The following PFKFB2 variants were observed in gnomAD, a reference collection of about 807,000 sequenced individuals.
PFKFB2 encodes the protein 6-phosphofructo-2-kinase/fructose-2,6-biphosphatase 2, also known as 6-phosphofructo-2-kinase/fructose-2,6-bisphosphatase 2.
A neutral mutation model predicts 68.0 loss-of-function variants in PFKFB2; 53 were observed. The ratio of observed to expected loss-of-function variants is 0.78; its 90% confidence interval spans 0.63 to 0.98. The LOEUF (loss-of-function observed/expected upper bound fraction) is 0.98, where lower values mean the gene tolerates loss of function less well. PFKFB2 is among the 50% of genes least tolerant of loss of function. The pLI is 0.00. For synonymous variants in PFKFB2, 222 were observed against 227.6 expected (o/e 0.98, Z 0.22); for missense variants, 451 against 642.0 (o/e 0.70, Z 3.22).
At chr1:207,061,133 A>ATATATCTTTATATATATCTT (rs1683089372) in intron 2 of PFKFB2, among the ~76,000 whole-genome samples, 2 of 113,850 alleles carry the variant, frequency 1.8e-5, no homozygotes, top group African/African-American at 7.3e-5. Context: ...ATATATCTTT[A>ATATATCTTTATATATATCTT]TATATATCTT....
chr1:207,049,374 A>G (rs376903734), upstream of PFKFB2: 6 of 1,614,054 alleles, frequency 3.7e-6, no homozygotes, highest in African/African-American at 2.7e-5. Flanking sequence ...CACATTGGTA[A>G]AACTTGGACA....
chr1:207,071,044 G>A, intron 12 of PFKFB2, 144 bp from the exon 13 acceptor site: 1 of 671,086 alleles, frequency 1.5e-6, no homozygotes, highest in Non-Finnish European at 2.6e-6. Flanking sequence ...TGTGGTCTGG[G>A]GTTTAAGGGA....
At chr1:207,069,317 G>T in intron 10 of PFKFB2, 107 bp from the exon 11 acceptor site, 1 of 754,512 alleles carries the variant, frequency 1.3e-6, no homozygotes, top group Admixed American at 2.1e-5. Context: ...ACAGTGCCTG[G>T]CACGTACTAA....
chr1:207,077,970 G>T (rs1029424077), downstream of PFKFB2: 2 of 185,660 alleles, frequency 1.1e-5, no homozygotes, highest in Non-Finnish European at 2.0e-5. Context: ...GTGTAGCCGT[G>T]GCTCTCTTCT....
rs564529296 is a variant in PFKFB2, at chr1:207,069,596, G to T, written c.1092+68G>T. On this transcript the variant is annotated intron_variant, in intron 11 of 14. Coordinates refer to ENST00000367080, the MANE Select transcript of PFKFB2 (RefSeq NM_006212.2). The stretch of plus-strand genomic sequence containing the variant: ...CTGAGTGTTTAACTTTAATTTGGGG[G>T]AAGGATTGAATGTGATTTGGAGGGT... 21 of 1,033,418 alleles carry T rather than the reference G, an allele frequency of 2.0e-5. No individual in the cohort carries two copies. The South Asian group carries it at 2.8e-4, about 14-fold the overall frequency. The allele number at this position is 1,033,418 out of a possible 1,614,324, so 64.0% of individuals were successfully genotyped here. A position where few individuals can be genotyped will look rare whatever the true frequency, so the allele number is the denominator to read the frequency against.
chr1:207,069,639 TCCTTC>T (rs1683407898), intron 11 of PFKFB2, 111 bp downstream of exon 11: 6 of 686,124 alleles, frequency 8.7e-6, no homozygotes, highest in Non-Finnish European at 1.5e-5. Flanking sequence ...TCATTTATCT[TCCTTC>T]CCTTGGGTCA....
chr1:207,051,678 A>C (rs1016548199), upstream of PFKFB2, among the ~76,000 whole-genome samples: 2 of 152,240 alleles, frequency 1.3e-5, no homozygotes, highest in African/African-American at 4.8e-5. Flanking sequence ...GTTCCTGGGC[A>C]TACAAATATG....
chr1:207,044,356 C>A (rs1367041347), intron 2 of PFKFB2: 1 of 152,462 alleles, frequency 6.6e-6, no homozygotes, highest in Non-Finnish European at 1.5e-5. Context: ...CAGCTGGAGT[C>A]CTGAATGGCA....
chr1:207,069,242 G>A (rs945783527), intron 10 of PFKFB2, among the ~76,000 whole-genome samples, 182 bp from the exon 11 acceptor site: 5 of 152,090 alleles, frequency 3.3e-5, no homozygotes, highest in East Asian at 3.9e-4. Context: ...GTCCTCACCC[G>A]GTGAGTCACA....
intron 1 of PFKFB2, among the ~76,000 whole-genome samples, chr1:207,040,425 G>A (rs575676505): frequency 3.0e-4 from 45 of 152,328 alleles, no homozygotes; most frequent in Admixed American, 9.1e-4. Context: ...TTCGTGTATG[G>A]AAGGAATTCT....
chr1:207,049,721 C>A (rs1465232733), upstream of PFKFB2: 1 of 1,607,398 alleles, frequency 6.2e-7, no homozygotes, highest in Non-Finnish European at 8.5e-7. Context: ...ATCAGCATGT[C>A]ACCTGTTAAA....
In PFKFB2 at chr1:207,076,938, G is replaced by A; in HGVS notation, c.*4567G>A. The A allele has an allele frequency of 1.0e-6, 1 of 982,776 alleles. No individual in the cohort carries two copies. Among genetic ancestry groups the A allele is most frequent in the Non-Finnish European group, 1.2e-6 (1 of 827,574 alleles). 60.9% of individuals were successfully genotyped at this position (982,776 alleles called of 1,614,324 possible). Reference sequence around the variant, plus strand: ...CTATTAAATGTGTCTAACAAAGGAAGGAATTAAGCACTCCACGTGTTTTCT... The same window carrying A: ...CTATTAAATGTGTCTAACAAAGGAAAGAATTAAGCACTCCACGTGTTTTCT... On this transcript the variant is annotated 3_prime_UTR_variant, in exon 15 of 15. Coordinates refer to ENST00000367080, the MANE Select transcript of PFKFB2 (RefSeq NM_006212.2).
chr1:207,048,839 C>T (rs1338715863), upstream of PFKFB2: 4 of 619,374 alleles, frequency 6.5e-6, no homozygotes, highest in East Asian at 2.8e-5. Flanking sequence ...AGACACACAT[C>T]TGTAAACTTG....
chr1:207,038,814 T>C (rs143414381), intron 1 of PFKFB2, among the ~76,000 whole-genome samples: 123 of 152,378 alleles, frequency 8.1e-4, no homozygotes, highest in African/African-American at 2.7e-3. Flanking sequence ...ATAGCACTTG[T>C]ATTTTTATTT....
intron 8 of PFKFB2, 57 bp from the exon 9 acceptor site, chr1:207,067,442 A>T: frequency 3.3e-6 from 4 of 1,213,636 alleles, no homozygotes; most frequent in Non-Finnish European, 4.8e-6. Context: ...TTTCCCTCTG[A>T]TTCTTATTCT....
Position 207,074,311 on chromosome 1 carries a change from T to C in PFKFB2, c.*1940T>C, listed in dbSNP as rs1683560543. ...TTGAGCAGATCATAATGTTAAATGATATAACCCCCTGGAAGGCAGGCTGCT... is the reference window on the plus strand; with the variant it reads ...TTGAGCAGATCATAATGTTAAATGACATAACCCCCTGGAAGGCAGGCTGCT... On this transcript the variant is annotated 3_prime_UTR_variant, in exon 15 of 15. Transcript: ENST00000367080. 5.1e-6 allele frequency: 5 copies of C among 985,462 alleles called. No homozygotes were observed. Among genetic ancestry groups the C allele is most frequent in the Non-Finnish European group, 6.0e-6 (5 of 829,922 alleles). The allele number at this position is 985,462 out of a possible 1,614,324, so 61.0% of individuals were successfully genotyped here.
rs559206876 is a variant in PFKFB2 at position 207,077,622 on chromosome 1, A to G, written c.*5251A>G. ...TTGGGAAGCCTAGGAAGAGAGTTCT[A>G]CTGTAGATTTCCTAGGCACTGCTCT... On this transcript the variant is annotated 3_prime_UTR_variant, in exon 15 of 15. Transcript: ENST00000367080. 1.0e-5 allele frequency: 10 copies of G among 985,618 alleles called. No homozygotes were observed. The highest frequency in any genetic ancestry group is 1.1e-4 in the East Asian group (1 of 8,824). The allele number at this position is 985,618 out of a possible 1,614,324, so 61.1% of individuals were successfully genotyped here. A position where few individuals can be genotyped will look rare whatever the true frequency, so the allele number is the denominator to read the frequency against.
chr1:207,046,385 A>C (rs1054541862), intron 2 of PFKFB2: 2 of 152,112 alleles, frequency 1.3e-5, no homozygotes, highest in Non-Finnish European at 2.9e-5. Flanking sequence ...AAAAAATGAA[A>C]AAACAAACAA....
At chr1:207,054,597 A>G (rs187524481) in intron 1 of PFKFB2, 104 bp from the exon 2 acceptor site, 5 of 674,154 alleles carry the variant, frequency 7.4e-6, no homozygotes, top group East Asian at 2.8e-5. Context: ...CTCTTGGCCC[A>G]GGGTGTTTTT....
Sources: allele counts gnomAD v4.1 joint callset (sites outside exome capture counted in the v4.1 genomes callset), GRCh38; gene constraint gnomAD v4.1.1; transcripts MANE v1.5; gene names NCBI Gene and HGNC (gene_info 2026-07-23, HGNC 2026-07-21).